Variants in DPYS observed in about 807,000 individuals in gnomAD.
DPYS encodes dihydropyrimidine amidohydrolase.
A neutral mutation model predicts 50.3 loss-of-function variants in DPYS; 39 were observed. The ratio of observed to expected loss-of-function variants is 0.78; its 90% CI spans 0.60 to 1.01. DPYS has a LOEUF of 1.01. DPYS is among the 50% of genes least tolerant of loss of function. DPYS has a pLI of 0.00. For synonymous variants in DPYS, 245 were observed against 250.7 expected, an observed-to-expected ratio of 0.98 and a Z score of 0.22; for missense variants, 659 against 680.9, an observed-to-expected ratio of 0.97 and a Z score of 0.36.
chr8:104,436,788 AG>A (rs1813165116), intron 4 of DPYS, among the ~76,000 whole-genome samples: 1 of 152,200 alleles, frequency 6.6e-6, no homozygotes, highest in South Asian at 2.1e-4. Flanking sequence ...TGAGCCCAGG[AG>A]TTCGAGACCA....
At chr8:104,442,972 G>T (rs187054087) in intron 4 of DPYS, among the ~76,000 whole-genome samples, 60 of 152,260 alleles carry the variant, frequency 3.9e-4, no homozygotes, top group Admixed American at 2.6e-3. Context: ...TGAGATGGGA[G>T]GATCACTTGG....
rs557855154 is a variant in DPYS at position 104,461,188 on chromosome 8, G to A, written c.264+5469C>T. 1.9e-4 allele frequency among the ~76,000 whole-genome samples: 29 copies of A among 151,634 alleles called. No homozygotes were observed. The East Asian group carries it at 5.0e-3, about 26-fold the overall frequency. On this transcript the variant is annotated intron_variant, in intron 1 of 9. Coordinates refer to ENST00000351513, the MANE Select transcript of DPYS (RefSeq NM_001385.3). ...TGCACCTGCAGTCCCAGCTACTTGG[G>A]AGGTTGAGGTGGGAGGATTGCTTGA...
At chr8:104,384,106 T>C (rs1270983846) in intron 8 of DPYS, among the ~76,000 whole-genome samples, 1 of 152,200 alleles carries the variant, frequency 6.6e-6, no homozygotes, top group East Asian at 1.9e-4. Context: ...CCTCTCAGAA[T>C]GGCCATGGAT....
intron 1 of DPYS, among the ~76,000 whole-genome samples, chr8:104,458,919 T>C (rs1327417458): frequency 6.6e-6 from 1 of 152,242 alleles, no homozygotes; most frequent in East Asian, 1.9e-4. Context: ...TTTCTGTATC[T>C]ATGCCTCAAA....
At chr8:104,417,192 A>T (rs941779618) in intron 7 of DPYS, among the ~76,000 whole-genome samples, 1 of 152,206 alleles carries the variant, frequency 6.6e-6, no homozygotes, top group Non-Finnish European at 1.5e-5. Context: ...GTTCCAGTAC[A>T]CACAATGTGT....
chr8:104,466,706 A>T lies in DPYS; in HGVS notation c.215T>A (p.Phe72Tyr), dbSNP rs1814416788. 2.6e-6 allele frequency: 4 copies of T among 1,531,870 alleles called. No individual in the cohort carries two copies. In the South Asian group the frequency reaches 4.8e-5, roughly 18 times the overall value. 94.9% of individuals were successfully genotyped at this position (1,531,870 alleles called of 1,614,324 possible). A position where few individuals can be genotyped will look rare whatever the true frequency, so the allele number is the denominator to read the frequency against. The part of the protein sequence containing the change: ...GGIDTHTHMQ[F>Y]PFMGSRSIDD... ...GATGGACCGCGAGCCCATGAAGGGG[A>T]ACTGCATGTGCGTGTGTGTGTCGAT... Residue 72 changes from phenylalanine (F) to tyrosine (Y), a missense_variant, in exon 1 of 10, where the codon TTC (phenylalanine) becomes TAC (tyrosine). By Grantham distance (22) the Phe-to-Tyr change is conservative. Coordinates refer to ENST00000351513, the MANE Select transcript of DPYS (RefSeq NM_001385.3).
intron 3 of DPYS, among the ~76,000 whole-genome samples, chr8:104,444,718 G>A (rs1273855647): frequency 6.6e-6 from 1 of 151,782 alleles, no homozygotes; most frequent in Non-Finnish European, 1.5e-5. Flanking sequence ...TATTGAAAAG[G>A]GGAAAAAGCA....
At chr8:104,458,981 T>C (rs574185023) in intron 1 of DPYS, among the ~76,000 whole-genome samples, 1 of 152,374 alleles carries the variant, frequency 6.6e-6, no homozygotes, top group African/African-American at 2.4e-5. Context: ...TTCAGGTGAA[T>C]GTTAAGGTCT....
chr8:104,395,533 C>G (rs1564082137), intron 7 of DPYS, among the ~76,000 whole-genome samples: 1 of 152,138 alleles, frequency 6.6e-6, no homozygotes, highest in Non-Finnish European at 1.5e-5. Flanking sequence ...TTTCTCTTTT[C>G]AAGACTGTCA....
At chr8:104,419,006 C>T (rs1441137564) in intron 7 of DPYS, 33 of 985,308 alleles carry the variant, frequency 3.3e-5, no homozygotes, top group Non-Finnish European at 4.0e-5. Flanking sequence ...CTTTTGGCTT[C>T]ATTTCATCTC....
intron 7 of DPYS, among the ~76,000 whole-genome samples, chr8:104,418,414 A>C (rs2140600661): frequency 6.6e-6 from 1 of 152,312 alleles, no homozygotes; most frequent in East Asian, 1.9e-4. Flanking sequence ...TTTAAAAGGG[A>C]GGCCTTCATT....
intron 7 of DPYS, among the ~76,000 whole-genome samples, chr8:104,417,628 C>T (rs553556489): frequency 6.6e-6 from 1 of 152,248 alleles, no homozygotes; most frequent in South Asian, 2.1e-4. Flanking sequence ...ATACTTCCGT[C>T]ATAAGCAATA....
In DPYS at chr8:104,436,749, C is replaced by A. The variant is rs1235106334; in HGVS notation, c.794-7048G>T. 2.0e-5 allele frequency among the ~76,000 whole-genome samples: 3 copies of A among 152,196 alleles called. No homozygotes were observed. In the East Asian group the frequency reaches 5.8e-4, roughly 29 times the overall value. On this transcript the variant is annotated intron_variant, in intron 4 of 9. Transcript: ENST00000351513. ...ATGGTTCATGCCTGTAATCCCAATA[C>A]TTTGGGCAGCTGAGGCAGAAGGATC... is the stretch of plus-strand genomic sequence containing the variant.
chr8:104,464,984 T>C (rs1327258675), intron 1 of DPYS, among the ~76,000 whole-genome samples: 2 of 152,206 alleles, frequency 1.3e-5, no homozygotes, highest in Non-Finnish European at 2.9e-5. Context: ...AAAGACTTTA[T>C]TGACATAAAG....
At position 104,379,642 on chromosome 8, in the gene DPYS, T is replaced by A. The variant is rs2140493106; in HGVS notation, c.*216A>T. On this transcript the variant is annotated 3_prime_UTR_variant, in exon 10 of 10. Transcript: ENST00000351513. ...ACACAGCCTTTCCATCACAATAATA[T>A]AAATTTATACCTTCAATCTTATGCA... is the stretch of plus-strand genomic sequence containing the variant. 1 of 271,658 alleles carries A rather than the reference T, an allele frequency of 3.7e-6. No individual in the cohort carries two copies. The highest frequency in any genetic ancestry group is 2.2e-5 in the African/African-American group (1 of 44,970). 16.8% of individuals were successfully genotyped at this position (271,658 alleles called of 1,614,324 possible). A position where few individuals can be genotyped will look rare whatever the true frequency, so the allele number is the denominator to read the frequency against.
chr8:104,381,627 C>G (rs1182204214), intron 8 of DPYS, among the ~76,000 whole-genome samples: 1 of 152,148 alleles, frequency 6.6e-6, no homozygotes, highest in Non-Finnish European at 1.5e-5. Flanking sequence ...ACCTTTTCTT[C>G]TAGTTTCAGT....
chr8:104,387,507 T>C (rs1244787236), intron 8 of DPYS, among the ~76,000 whole-genome samples: 2 of 151,824 alleles, frequency 1.3e-5, no homozygotes, highest in Admixed American at 6.6e-5. Flanking sequence ...GGGGAATGGG[T>C]GGCTATTTGT....
intron 7 of DPYS, among the ~76,000 whole-genome samples, chr8:104,404,114 G>A (rs1811915117): frequency 6.6e-6 from 1 of 151,936 alleles, no homozygotes; most frequent in Non-Finnish European, 1.5e-5. Flanking sequence ...TCCTCACAAT[G>A]AACCTATGAT....
chr8:104,427,147 G>A (rs531392878), intron 6 of DPYS, among the ~76,000 whole-genome samples: 9 of 144,150 alleles, frequency 6.2e-5, no homozygotes, highest in Admixed American at 1.4e-4. Flanking sequence ...GTTGCAGTGA[G>A]CCAAGATTGC....
Sources: gnomAD v4.1 joint callset for allele counts (sites outside exome capture counted in the v4.1 genomes callset) on GRCh38, gnomAD v4.1.1 for gene constraint, MANE v1.5 for transcripts, NCBI Gene and HGNC (gene_info 2026-07-23, HGNC 2026-07-21) for gene names.